CAMKMT: variants seen among roughly 807,000 people sequenced by gnomAD.
CAMKMT encodes the protein calmodulin-lysine N-methyltransferase, also known as CaM KMT.
Under a neutral mutation model 48.0 loss-of-function variants are expected in CAMKMT, and 53 were observed. The observed-to-expected ratio is 1.10, with a 90% CI of 0.89 to 1.39. The LOEUF (loss-of-function observed/expected upper bound fraction) is 1.39. Ranked by LOEUF, CAMKMT falls within the 40% of genes most tolerant of loss-of-function variation. The pLI is 0.00. For synonymous variants in CAMKMT, 165 were observed against 152.3 expected (o/e 1.08, Z -0.61); for missense variants, 428 against 402.7 (o/e 1.06, Z -0.54).
intron 3 of CAMKMT, among the ~76,000 whole-genome samples, chr2:44,639,589 A>G (rs1410169391): frequency 6.6e-6 from 1 of 152,218 alleles, no homozygotes; most frequent in African/African-American, 2.4e-5. Flanking sequence ...TTAGTGCCTG[A>G]TATTGGGAAA....
intron 3 of CAMKMT, among the ~76,000 whole-genome samples, chr2:44,556,029 C>T (rs1667987109): frequency 6.6e-6 from 1 of 152,038 alleles, no homozygotes; most frequent in Non-Finnish European, 1.5e-5. Flanking sequence ...AGACATGGGG[C>T]AGCAGAAAGG....
chr2:44,454,086 A>G (rs963495522), intron 3 of CAMKMT, among the ~76,000 whole-genome samples: 16 of 152,044 alleles, frequency 1.1e-4, no homozygotes, highest in Non-Finnish European at 1.9e-4. Flanking sequence ...GATTTTGACA[A>G]CTCTTAAAAA....
At chr2:44,735,041 AGTGCG>A (rs1679283388) in intron 7 of CAMKMT, among the ~76,000 whole-genome samples, 1 of 152,184 alleles carries the variant, frequency 6.6e-6, no homozygotes, top group African/African-American at 2.4e-5. Context: ...TCTGTTATTC[AGTGCG>A]TGAATATTTA....
At chr2:44,405,866 G>A (rs1409302029) in intron 3 of CAMKMT, among the ~76,000 whole-genome samples, 2 of 152,130 alleles carry the variant, frequency 1.3e-5, no homozygotes, top group Non-Finnish European at 2.9e-5. Context: ...ACTTCTAACA[G>A]AAATTGCTGG....
At chr2:44,367,367 C>T (rs1379004859) in intron 1 of CAMKMT, among the ~76,000 whole-genome samples, 1 of 152,164 alleles carries the variant, frequency 6.6e-6, no homozygotes, top group Non-Finnish European at 1.5e-5. Context: ...CATGCTTGAC[C>T]TCATGTGACA....
intron 3 of CAMKMT, among the ~76,000 whole-genome samples, chr2:44,455,138 C>G (rs1257610136): frequency 6.6e-6 from 1 of 152,088 alleles, no homozygotes; most frequent in Non-Finnish European, 1.5e-5. Flanking sequence ...TTCATGGTAC[C>G]CACATACTGG....
intron 3 of CAMKMT, among the ~76,000 whole-genome samples, chr2:44,412,109 A>T (rs764946977): frequency 2.0e-5 from 3 of 151,592 alleles, no homozygotes; most frequent in Non-Finnish European, 2.9e-5. Flanking sequence ...ATATAAAAGT[A>T]ACCACAAGGA....
At chr2:44,538,031 C>G (rs1666877161) in intron 3 of CAMKMT, among the ~76,000 whole-genome samples, 1 of 152,080 alleles carries the variant, frequency 6.6e-6, no homozygotes, top group Non-Finnish European at 1.5e-5. Flanking sequence ...TTCCAAATTG[C>G]AAAGATATGG....
intron 3 of CAMKMT, among the ~76,000 whole-genome samples, chr2:44,437,607 G>GGAGGCT (rs1183740593): frequency 2.6e-5 from 4 of 152,132 alleles, no homozygotes; most frequent in Non-Finnish European, 5.9e-5. Flanking sequence ...CAGCACTTTG[G>GGAGGCT]GAGGCTGAGG....
Position 44,754,104 on chromosome 2 carries a change from T to A in CAMKMT, c.748T>A (p.Leu250Ile). ...CAGCCTTGTTGATGCAATAAAGAGA[T>A]TACTCCAGCCCAGGGTAAGTATGTT... Reference protein sequence around the residue: ...RASLVDAIKRLLQPRGKAMVF... With the variant: ...RASLVDAIKRILQPRGKAMVF... The change falls in exon 9 of 11, where the codon TTA (leucine) becomes ATA (isoleucine). Residue 250 changes from leucine to isoleucine, a missense_variant. Leu to Ile is a conservative substitution (Grantham distance 5). Transcript: ENST00000378494. 1.2e-6 allele frequency: 2 copies of A among 1,613,616 alleles called. No homozygotes were observed. The highest frequency in any genetic ancestry group is 1.7e-6 in the Non-Finnish European group (2 of 1,179,542).
At chr2:44,406,052 A>G (rs1682756249) in intron 3 of CAMKMT, among the ~76,000 whole-genome samples, 1 of 152,220 alleles carries the variant, frequency 6.6e-6, no homozygotes, top group Admixed American at 6.5e-5. Flanking sequence ...ATCTAGTTAT[A>G]TCAGTTAGGG....
intron 3 of CAMKMT, among the ~76,000 whole-genome samples, chr2:44,562,051 G>A (rs552017641): frequency 1.3e-5 from 2 of 152,334 alleles, no homozygotes; most frequent in African/African-American, 4.8e-5. Flanking sequence ...TGTGTGAAAT[G>A]AAAATAGAAG....
At chr2:44,557,027 CT>C (rs1668052876) in intron 3 of CAMKMT, among the ~76,000 whole-genome samples, 1 of 152,146 alleles carries the variant, frequency 6.6e-6, no homozygotes, top group African/African-American at 2.4e-5. Flanking sequence ...AAAGTTTTAT[CT>C]TTTTTACTTT....
chr2:44,368,842 A>G lies in CAMKMT; in HGVS notation c.139-3874A>G, dbSNP rs1401446234. On this transcript the variant is annotated intron_variant, in intron 1 of 10. Transcript: ENST00000378494. ...TAGTTTGTTTTTCTTCCTGTTGCCC[A>G]TAGTTGACAGACTATAATAAGACCC... 2.0e-5 allele frequency among the ~76,000 whole-genome samples: 3 copies of G among 152,296 alleles called. No homozygotes were observed. In the East Asian group the frequency reaches 5.8e-4, roughly 29 times the overall value.
chr2:44,604,318 G>A (rs1407467226), intron 3 of CAMKMT, among the ~76,000 whole-genome samples: 1 of 152,082 alleles, frequency 6.6e-6, no homozygotes, highest in Non-Finnish European at 1.5e-5. Flanking sequence ...TTTCCCTACT[G>A]AGTTCATAAC....
chr2:44,399,385 A>G lies in CAMKMT; in HGVS notation c.376+9080A>G, dbSNP rs1021080363. ...TGCCATTAGATACAAGTAAGAAATG[A>G]TATGTGTGGGATGAAAACCACAAGT... On this transcript the variant is annotated intron_variant, in intron 3 of 10. Transcript: ENST00000378494. 2.0e-5 allele frequency among the ~76,000 whole-genome samples: 3 copies of G among 152,280 alleles called. No homozygotes were observed. In the East Asian group the frequency reaches 5.8e-4, roughly 29 times the overall value.
intron 3 of CAMKMT, among the ~76,000 whole-genome samples, chr2:44,524,108 C>T (rs991021780): frequency 1.3e-5 from 2 of 152,082 alleles, no homozygotes; most frequent in African/African-American, 4.8e-5. Flanking sequence ...AGATCAAGTA[C>T]AAGTTGTGTA....
At chr2:44,648,456 G>A (rs1324449141) in intron 3 of CAMKMT, among the ~76,000 whole-genome samples, 2 of 152,188 alleles carry the variant, frequency 1.3e-5, no homozygotes, top group African/African-American at 4.8e-5. Context: ...CTGTCATGGA[G>A]AACATGATGG....
At chr2:44,484,831 A>G (rs923029122) in intron 3 of CAMKMT, among the ~76,000 whole-genome samples, 6 of 152,152 alleles carry the variant, frequency 3.9e-5, no homozygotes, top group Admixed American at 6.5e-5. Context: ...GCATATAACT[A>G]AGGACTTATT....
Sources: allele counts gnomAD v4.1 joint callset (sites outside exome capture counted in the v4.1 genomes callset), GRCh38; gene constraint gnomAD v4.1.1; transcripts MANE v1.5; gene names NCBI Gene and HGNC (gene_info 2026-07-23, HGNC 2026-07-21).